ELF1: variants seen among roughly 807,000 people sequenced by gnomAD.
ELF1 encodes ETS-related transcription factor Elf-1.
ELF1 carries 24 observed loss-of-function variants against 59.9 expected under a neutral mutation model. The observed-to-expected ratio is 0.40, with a 90% CI of 0.29 to 0.56. The LOEUF (loss-of-function observed/expected upper bound fraction) is 0.56, where lower values mean the gene tolerates loss of function less well. Among genes scored for constraint, ELF1 ranks in the 20% least tolerant of loss-of-function variants. The probability of loss-of-function intolerance (pLI) is 0.44; values close to 1 mark genes in which losing one functional copy is unlikely to be tolerated. For synonymous variants in ELF1, 248 were observed against 266.2 expected (o/e 0.93, Z 0.67); for missense variants, 627 against 742.2 (o/e 0.84, Z 1.80).
intron 1 of ELF1, among the ~76,000 whole-genome samples, chr13:41,048,252 G>A (rs1024482365): frequency 1.2e-4 from 18 of 152,296 alleles, no homozygotes; most frequent in Admixed American, 4.6e-4. Context: ...GCCCTGCTTC[G>A]GCTCACGCTC....
At chr13:40,960,280 A>G (rs1479042941) in intron 2 of ELF1, among the ~76,000 whole-genome samples, 2 of 152,180 alleles carry the variant, frequency 1.3e-5, no homozygotes, top group Non-Finnish European at 1.5e-5. Flanking sequence ...TTAAAAAAAA[A>G]TCTTTTTTGG....
Position 40,933,674 on chromosome 13 carries a change from A to C in ELF1, c.1611T>G (p.Phe537Leu). Residue 537 changes from phenylalanine to leucine, a missense_variant, in exon 9 of 9, where the codon TTT becomes TTG. Phe to Leu is a conservative substitution (Grantham distance 22). Coordinates refer to ENST00000239882, the MANE Select transcript of ELF1 (RefSeq NM_172373.4). ...CAACCAGCTGTGAACTGCGAGGAGA[A>C]AAGGTCACCACAGGTGCAGTAGCAC... Reference protein sequence around the residue: ...SFSATAPVVTFSPRSSQLVAH... With the variant: ...SFSATAPVVTLSPRSSQLVAH... 3 of 1,614,272 alleles carry C rather than the reference A, an allele frequency of 1.9e-6. No homozygotes were observed. Among genetic ancestry groups the C allele is most frequent in the Non-Finnish European group, 2.5e-6 (3 of 1,180,046 alleles).
At chr13:40,960,316 A>G (rs1231282356) in intron 2 of ELF1, among the ~76,000 whole-genome samples, 1 of 151,872 alleles carries the variant, frequency 6.6e-6, no homozygotes, top group Non-Finnish European at 1.5e-5. Context: ...AGTAAATATC[A>G]TGTTTCTTAA....
rs532996928 is a variant in ELF1 at position 41,040,512 on chromosome 13, C to T, written c.-229+20326G>A. Among the ~76,000 whole-genome samples, 15 of 152,116 alleles carry T rather than the reference C, an allele frequency of 9.9e-5. 1 individual carries two copies. In the South Asian group the frequency reaches 2.1e-3, roughly 21 times the overall value. Reference sequence around the variant, plus strand: ...AGTTTTGTGGAAGACAATTTTTTCACGGATGGGGGGCAGGGGTTGGGGAGG... The same window carrying T: ...AGTTTTGTGGAAGACAATTTTTTCATGGATGGGGGGCAGGGGTTGGGGAGG... On this transcript the variant is annotated intron_variant, in intron 1 of 1. Coordinates refer to the ELF1 transcript ENST00000405737.
At chr13:41,054,263 G>C (rs1472036230) in intron 1 of ELF1, among the ~76,000 whole-genome samples, 1 of 152,140 alleles carries the variant, frequency 6.6e-6, no homozygotes, top group Admixed American at 6.5e-5. Flanking sequence ...AAAAAATTCA[G>C]AGAAAAAATT....
intron 5 of ELF1, among the ~76,000 whole-genome samples, chr13:40,948,635 G>C (rs1870652092): frequency 6.6e-6 from 1 of 152,316 alleles, no homozygotes; most frequent in Non-Finnish European, 1.5e-5. Context: ...TACTAAGCAA[G>C]CATGAGTAGA....
At position 40,931,991 on chromosome 13, in the gene ELF1, C is replaced by A. The variant is rs929690699; in HGVS notation, c.*1434G>T. 2 of 152,152 alleles carry A rather than the reference C, an allele frequency of 1.3e-5. No individual in the cohort carries two copies. The highest frequency in any genetic ancestry group is 4.8e-5 in the African/African-American group (2 of 41,422). The allele number at this position is 152,152 out of a possible 1,614,324, so 9.4% of individuals were successfully genotyped here. On this transcript the variant is annotated 3_prime_UTR_variant, in exon 9 of 9. Coordinates refer to ENST00000239882, the MANE Select transcript of ELF1 (RefSeq NM_172373.4). The stretch of plus-strand genomic sequence containing the variant: ...ATGTTCTAGTAATATTCTCTGCACA[C>A]TTATTCTTTAAGAAACTTTTGCCTG...
intron 1 of ELF1, among the ~76,000 whole-genome samples, chr13:41,014,776 T>C (rs1875260990): frequency 6.6e-6 from 1 of 152,146 alleles, no homozygotes; most frequent in African/African-American, 2.4e-5. Context: ...TGAGGGGAAT[T>C]TTCTTCTCAT....
chr13:41,018,614 C>T (rs1286641487), intron 1 of ELF1, among the ~76,000 whole-genome samples: 1 of 152,074 alleles, frequency 6.6e-6, no homozygotes, highest in Non-Finnish European at 1.5e-5. Context: ...ATCTAATATT[C>T]ATTTTTACTT....
At chr13:41,047,948 T>C (rs1002016800) in intron 1 of ELF1, among the ~76,000 whole-genome samples, 1 of 152,334 alleles carries the variant, frequency 6.6e-6, no homozygotes, top group South Asian at 2.1e-4. Context: ...TCAGGCCACT[T>C]TGTTTACCTA....
At chr13:41,041,592 T>G (rs1876612912) in intron 1 of ELF1, among the ~76,000 whole-genome samples, 1 of 152,064 alleles carries the variant, frequency 6.6e-6, no homozygotes, top group Admixed American at 6.6e-5. Flanking sequence ...AAAGGATCAC[T>G]TGAGCTAAGG....
rs199811451 is a variant in ELF1, at chr13:41,010,279, GAAAA to G, written c.-229+8945_-229+8948del. 4.7e-5 allele frequency among the ~76,000 whole-genome samples: 6 copies of G among 128,934 alleles called. No individual in the cohort carries two copies. In the South Asian group the frequency reaches 7.8e-4, roughly 17 times the overall value. The allele number at this position is 128,934 out of a possible 152,430, so 84.6% of individuals were successfully genotyped here. A position where few individuals can be genotyped will look rare whatever the true frequency, so the allele number is the denominator to read the frequency against. On this transcript the variant is annotated intron_variant, in intron 1 of 8. Transcript: ENST00000239882. ...TAAAATAAAAAAGAAAGAAAGAAAG[GAAAA>G]AAAAAAAAAACACAGAAAAGAAATT... is the stretch of plus-strand genomic sequence containing the variant.
intron 1 of ELF1, among the ~76,000 whole-genome samples, chr13:40,984,432 T>C (rs1038163375): frequency 2.0e-5 from 3 of 152,026 alleles, no homozygotes; most frequent in Non-Finnish European, 2.9e-5. Flanking sequence ...GCTGTGTTGG[T>C]GTGTGTGCAT....
At chr13:41,020,540 C>A (rs1875647834), upstream of ELF1, among the ~76,000 whole-genome samples, 1 of 152,200 alleles carries the variant, frequency 6.6e-6, no homozygotes. Context: ...TGTGAACCAA[C>A]TTTCTGCCTG....
intron 1 of ELF1, among the ~76,000 whole-genome samples, chr13:40,986,789 T>C (rs1873569806): frequency 6.6e-6 from 1 of 152,094 alleles, no homozygotes; most frequent in Admixed American, 6.6e-5. Context: ...GTTTAATTTA[T>C]TATAGAAGAT....
At position 40,949,906 on chromosome 13, in the gene ELF1, T is replaced by C. The variant is rs965519248; in HGVS notation, c.429A>G (p.Thr143=). ...CCATCACTTCAGGAATCCCATCTAA[T>C]GTGACGGACACATGGGTGACTGGGG... ...VVAPVTHVSV[T]LDGIPEVMET... Residue 143 remains threonine (T), a synonymous_variant, in exon 5 of 9, where the codon ACA becomes ACG. Coordinates refer to ENST00000239882, the MANE Select transcript of ELF1 (RefSeq NM_172373.4). The C allele has an allele frequency of 1.2e-6, 2 of 1,614,038 alleles. No individual in the cohort carries two copies. The highest frequency in any genetic ancestry group is 8.5e-7 in the Non-Finnish European group (1 of 1,180,014).
chr13:41,056,037 T>C (rs1877275613), intron 1 of ELF1, among the ~76,000 whole-genome samples: 1 of 152,204 alleles, frequency 6.6e-6, no homozygotes, highest in African/African-American at 2.4e-5. Flanking sequence ...TCATGAAGTT[T>C]ATCTATTTAA....
rs747161292 is a variant in ELF1 at position 40,982,065 on chromosome 13, T to A, written c.-11A>T. The A allele has an allele frequency of 1.2e-6, 2 of 1,604,052 alleles. No individual in the cohort carries two copies. The highest frequency in any genetic ancestry group is 2.7e-5 in the African/African-American group (2 of 74,408). On this transcript the variant is annotated 5_prime_UTR_variant, in exon 2 of 9. Coordinates refer to ENST00000239882, the MANE Select transcript of ELF1 (RefSeq NM_172373.4). ...GACAACAGCAGCCATAATAAAGCAT[T>A]CCCCTTAGATCCACATGAGAAAAAT...
At chr13:41,015,989 C>A (rs957142793) in intron 1 of ELF1, among the ~76,000 whole-genome samples, 3 of 152,210 alleles carry the variant, frequency 2.0e-5, no homozygotes, top group Non-Finnish European at 4.4e-5. Context: ...CGAAGACACT[C>A]TTCTTAACAT....
Sources: gnomAD v4.1 joint callset for allele counts (sites outside exome capture counted in the v4.1 genomes callset) on GRCh38, gnomAD v4.1.1 for gene constraint, MANE v1.5 for transcripts, NCBI Gene and HGNC (gene_info 2026-07-23, HGNC 2026-07-21) for gene names.